Variants in GRIA3 observed in about 807,000 individuals in gnomAD.
GRIA3 encodes glutamate receptor 3.
GRIA3 carries 3 observed loss-of-function variants against 63.0 expected under a neutral mutation model. The observed-to-expected ratio is 0.05, with a 90% CI of 0.02 to 0.12. The LOEUF (loss-of-function observed/expected upper bound fraction) is 0.12. Among genes scored for constraint, GRIA3 ranks in the 10% least tolerant of loss-of-function variants. The pLI, the probability that GRIA3 is intolerant of heterozygous loss-of-function variation, is 1.00. For missense variants in GRIA3, 347 were observed against 700.9 expected, an observed-to-expected ratio of 0.50 and a Z score of 5.70; for synonymous variants, 274 against 257.9, an observed-to-expected ratio of 1.06 and a Z score of -0.60.
At chrX:123,221,797 C>T (rs534797398) in intron 2 of GRIA3, among the ~76,000 whole-genome samples, 1 of 111,684 alleles carries the variant, frequency 9.0e-6, no homozygotes. Context: ...TATGACCTTC[C>T]TATACATACT....
chrX:123,483,101 T>G, intron 15 of GRIA3, 55 bp downstream of exon 15: 1 of 996,404 alleles, frequency 1.0e-6, no homozygotes, highest in Non-Finnish European at 1.4e-6. Context: ...TGTCAATCTC[T>G]TTTTTTCTTC....
intron 11 of GRIA3, among the ~76,000 whole-genome samples, chrX:123,425,998 A>G (rs893687906): frequency 1.0e-4 from 7 of 69,446 alleles, no homozygotes; most frequent in African/African-American, 2.9e-4. Context: ...AAAGTGGTGA[A>G]ATGCTGGTAC....
At chrX:123,406,216 C>T (rs16997362) in intron 10 of GRIA3, among the ~76,000 whole-genome samples, 2,192 of 112,373 alleles carry the variant, frequency 0.02, 58 homozygotes, top group African/African-American at 0.067. Context: ...AGAGAACTAA[C>T]CCAAGTGCAG....
At chrX:123,459,351 C>T (rs1007799577) in intron 12 of GRIA3, among the ~76,000 whole-genome samples, 1 of 111,942 alleles carries the variant, frequency 8.9e-6, no homozygotes, top group Non-Finnish European at 1.9e-5. Flanking sequence ...CAAAGAGACA[C>T]AAGGTCTAAG....
intron 4 of GRIA3, among the ~76,000 whole-genome samples, chrX:123,353,020 T>TACACACACACACACACACACACACAC (rs556926418): frequency 5.7e-5 from 5 of 87,754 alleles, no homozygotes; most frequent in South Asian, 6.2e-4. Flanking sequence ...CTCTCTCTCA[T>TACACACACACACACACACACACACAC]ACACACACAC....
chrX:123,374,786 T>C, intron 5 of GRIA3, among the ~76,000 whole-genome samples: 1 of 112,043 alleles, frequency 8.9e-6, no homozygotes, highest in Non-Finnish European at 1.9e-5. Flanking sequence ...TATACAATCA[T>C]GCCATCTGCA....
At chrX:123,440,585 T>TA (rs1451677641) in intron 12 of GRIA3, among the ~76,000 whole-genome samples, 1 of 112,887 alleles carries the variant, frequency 8.9e-6, no homozygotes, top group African/African-American at 3.2e-5. Flanking sequence ...GTTGGCCGCA[T>TA]ATATGTCTTC....
At chrX:123,231,525 T>C (rs1477497408) in intron 2 of GRIA3, among the ~76,000 whole-genome samples, 2 of 111,939 alleles carry the variant, frequency 1.8e-5, no homozygotes, top group Non-Finnish European at 1.9e-5. Context: ...AGGAAGCAGA[T>C]ATTAAACAAA....
rs774298885 is a variant in GRIA3 at position 123,237,426 on chromosome X, A to G, written c.269-15877A>G. The stretch of plus-strand genomic sequence containing the variant: ...GGACTATATCTGAAAGGCAATGGAG[A>G]GCTTAGGGCCCAGTCACTGCGTTCC... On this transcript the variant is annotated intron_variant, in intron 2 of 15. Coordinates refer to ENST00000620443, the MANE Select transcript of GRIA3 (RefSeq NM_007325.5). 2.5e-4 allele frequency among the ~76,000 whole-genome samples: 28 copies of G among 111,733 alleles called. No individual in the cohort carries two copies. The East Asian group carries it at 8.0e-3, about 32-fold the overall frequency.
intron 2 of GRIA3, among the ~76,000 whole-genome samples, chrX:123,226,904 G>A (rs1475973056): frequency 1.0e-5 from 1 of 98,491 alleles, no homozygotes; most frequent in Non-Finnish European, 2.1e-5. Context: ...CTAGCTTCCT[G>A]TCCCTCTCCC....
chrX:123,208,226 T>C (rs754205377), intron 2 of GRIA3, among the ~76,000 whole-genome samples: 29 of 111,990 alleles, frequency 2.6e-4, no homozygotes, highest in Non-Finnish European at 5.3e-4. Context: ...AATGAAAATA[T>C]GAGATTTGAA....
chrX:123,205,199 G>A (rs367759921), intron 2 of GRIA3, among the ~76,000 whole-genome samples: 140 of 112,007 alleles, frequency 1.2e-3, no homozygotes, highest in African/African-American at 3.8e-3. Flanking sequence ...AGTGGCTGGG[G>A]TGAGACTCAA....
In GRIA3 at chrX:123,264,072, T is replaced by C. The variant is rs935850455; in HGVS notation, c.508+10530T>C. On this transcript the variant is annotated intron_variant, in intron 3 of 15. Transcript: ENST00000620443. ...AAACAGAGATGTTTGGAAACTGAGG[T>C]TGGCACAAATCACCAAGTAGATTTT... Among the ~76,000 whole-genome samples the C allele has an allele frequency of 2.2e-4, 25 of 112,086 alleles. No homozygotes were observed. The Admixed American group carries it at 2.4e-3, about 11-fold the overall frequency.
intron 3 of GRIA3, among the ~76,000 whole-genome samples, chrX:123,287,502 A>G (rs939762856): frequency 2.7e-5 from 3 of 112,163 alleles, no homozygotes; most frequent in African/African-American, 9.7e-5. Flanking sequence ...ACATGATTGT[A>G]TATTTAGAAA....
intron 12 of GRIA3, among the ~76,000 whole-genome samples, chrX:123,437,786 T>C (rs899826272): frequency 1.8e-5 from 2 of 111,706 alleles, no homozygotes; most frequent in Non-Finnish European, 3.8e-5. Flanking sequence ...ATGAAATCTA[T>C]AGTCACAAGG....
rs143946066 is a variant in GRIA3 at position 123,306,517 on chromosome X, G to A, written c.509-19509G>A. Among the ~76,000 whole-genome samples the A allele has an allele frequency of 3.6e-4, 40 of 112,063 alleles. No homozygotes were observed. In the East Asian group the frequency reaches 9.8e-3, roughly 27 times the overall value. On this transcript the variant is annotated intron_variant, in intron 3 of 15. Transcript: ENST00000620443. ...ATACATTGGAAAGTAGAAGAAGAGA[G>A]GGGTGTTGCACCTGGGAATCAATAA...
intron 4 of GRIA3, among the ~76,000 whole-genome samples, chrX:123,351,967 T>C (rs983055916): frequency 5.6e-4 from 63 of 112,251 alleles, no homozygotes; most frequent in African/African-American, 2.0e-3. Context: ...TGGGCCTGAA[T>C]TAAAGCAGAT....
chrX:123,328,596 T>C (rs1389713848), intron 4 of GRIA3, among the ~76,000 whole-genome samples: 3 of 112,234 alleles, frequency 2.7e-5, no homozygotes, highest in Non-Finnish European at 5.6e-5. Context: ...ATAAATTCTA[T>C]GAGGGAAGGA....
chrX:123,468,134 C>T (rs2045844061), intron 13 of GRIA3, among the ~76,000 whole-genome samples: 1 of 111,806 alleles, frequency 8.9e-6, no homozygotes, highest in African/African-American at 3.2e-5. Flanking sequence ...TCGATCAGTG[C>T]TGCATACCCA....
Sources: allele counts gnomAD v4.1 joint callset (sites outside exome capture counted in the v4.1 genomes callset), GRCh38; gene constraint gnomAD v4.1.1; transcripts MANE v1.5; gene names NCBI Gene and HGNC (gene_info 2026-07-23, HGNC 2026-07-21).